FUT9: variants seen among roughly 807,000 people sequenced by gnomAD.
FUT9 encodes the protein 4-galactosyl-N-acetylglucosaminide 3-alpha-L-fucosyltransferase 9.
FUT9 carries 15 observed loss-of-function variants against 29.7 expected under a neutral mutation model. The observed-to-expected ratio is 0.51, with a 90% CI of 0.34 to 0.78. The LOEUF (loss-of-function observed/expected upper bound fraction) is 0.78, where lower values mean the gene tolerates loss of function less well. FUT9 is among the 30% of genes least tolerant of loss of function. The pLI is 0.01. For synonymous variants in FUT9, 169 were observed against 153.7 expected (o/e 1.10, Z -0.74); for missense variants, 319 against 425.4 (o/e 0.75, Z 2.20).
chr6:96,202,941 T>G (rs950883700), intron 2 of FUT9, among the ~76,000 whole-genome samples: 8 of 152,182 alleles, frequency 5.3e-5, no homozygotes, highest in Non-Finnish European at 1.0e-4. Context: ...TTAGAAGAGT[T>G]TTTGGGAAAC....
intron 1 of FUT9, among the ~76,000 whole-genome samples, chr6:96,024,082 A>T (rs1426813603): frequency 6.6e-6 from 1 of 151,934 alleles, no homozygotes; most frequent in Non-Finnish European, 1.5e-5. Flanking sequence ...TCCATTCATG[A>T]GATGATGTTA....
At chr6:96,131,956 T>C (rs547950258) in intron 2 of FUT9, among the ~76,000 whole-genome samples, 1 of 152,200 alleles carries the variant, frequency 6.6e-6, no homozygotes, top group South Asian at 2.1e-4. Flanking sequence ...GAAGAGGATA[T>C]TATAGTCTTC....
intron 2 of FUT9, among the ~76,000 whole-genome samples, chr6:96,116,976 G>T (rs1771924059): frequency 6.6e-6 from 1 of 152,044 alleles, no homozygotes; most frequent in Admixed American, 6.6e-5. Flanking sequence ...AAACAAATAG[G>T]ATGTATTATC....
At chr6:96,107,814 G>A (rs1771720525) in intron 1 of FUT9, among the ~76,000 whole-genome samples, 2 of 152,060 alleles carry the variant, frequency 1.3e-5, no homozygotes, top group African/African-American at 2.4e-5. Flanking sequence ...TTCAACTCAC[G>A]AGGATCTACA....
intron 2 of FUT9, among the ~76,000 whole-genome samples, chr6:96,122,203 G>GAAA (rs1479461643): frequency 6.6e-6 from 1 of 152,120 alleles, no homozygotes; most frequent in African/African-American, 2.4e-5. Context: ...AGCAATCAGA[G>GAAA]AAAAAGGAAC....
chr6:96,020,309 T>C (rs999660080), intron 1 of FUT9, among the ~76,000 whole-genome samples: 1 of 152,154 alleles, frequency 6.6e-6, no homozygotes, highest in Non-Finnish European at 1.5e-5. Flanking sequence ...ATTCCTAAAA[T>C]AACAGATTTT....
chr6:96,173,227 T>C (rs1773144945), intron 2 of FUT9, among the ~76,000 whole-genome samples: 3 of 151,322 alleles, frequency 2.0e-5, no homozygotes, highest in South Asian at 2.1e-4. Flanking sequence ...GCCTGTGTCA[T>C]CTTACTTATG....
At chr6:96,136,282 A>G (rs989802532) in intron 2 of FUT9, among the ~76,000 whole-genome samples, 9 of 151,856 alleles carry the variant, frequency 5.9e-5, no homozygotes, top group African/African-American at 1.7e-4. Flanking sequence ...GAGTAGAATA[A>G]TTTAACCTTT....
intron 1 of FUT9, among the ~76,000 whole-genome samples, chr6:96,058,272 G>C (rs1770810796): frequency 6.6e-6 from 1 of 152,026 alleles, no homozygotes; most frequent in Non-Finnish European, 1.5e-5. Context: ...CAAAGGGTTT[G>C]ATTCCTCACT....
chr6:96,178,090 C>T (rs1374633683), intron 2 of FUT9, among the ~76,000 whole-genome samples: 1 of 152,108 alleles, frequency 6.6e-6, no homozygotes, highest in Non-Finnish European at 1.5e-5. Flanking sequence ...CCCATGATGC[C>T]AGACTTTGCT....
intron 1 of FUT9, among the ~76,000 whole-genome samples, chr6:96,112,750 G>T (rs1287284524): frequency 6.6e-6 from 1 of 152,120 alleles, no homozygotes; most frequent in Non-Finnish European, 1.5e-5. Context: ...AAGCCCCTTG[G>T]GTCTGTCCTA....
intron 1 of FUT9, among the ~76,000 whole-genome samples, chr6:96,098,972 C>T (rs957265158): frequency 6.6e-6 from 1 of 152,064 alleles, no homozygotes; most frequent in Non-Finnish European, 1.5e-5. Flanking sequence ...CCAAAATGTA[C>T]CCTAATTTTC....
intron 2 of FUT9, among the ~76,000 whole-genome samples, chr6:96,139,278 A>G (rs1772416345): frequency 6.6e-6 from 1 of 152,162 alleles, no homozygotes; most frequent in Non-Finnish European, 1.5e-5. Flanking sequence ...CTTTGACTCC[A>G]TGTCTCAAAT....
chr6:96,023,503 C>T (rs534915610), intron 1 of FUT9, among the ~76,000 whole-genome samples: 8 of 151,916 alleles, frequency 5.3e-5, no homozygotes, highest in African/African-American at 1.9e-4. Context: ...AATGTTGGTA[C>T]CCCTGGGAGT....
intron 1 of FUT9, among the ~76,000 whole-genome samples, chr6:96,082,745 C>A (rs1176054906): frequency 2.0e-5 from 3 of 151,834 alleles, no homozygotes. Context: ...GAAATTGCAT[C>A]GTTAATATAT....
chr6:96,101,796 G>C (rs1413409533), intron 1 of FUT9, among the ~76,000 whole-genome samples: 2 of 150,152 alleles, frequency 1.3e-5, no homozygotes, highest in African/African-American at 2.4e-5. Context: ...TGGAATGACA[G>C]GTATGCACCA....
intron 2 of FUT9, among the ~76,000 whole-genome samples, chr6:96,173,487 T>A (rs1773149999): frequency 6.6e-6 from 1 of 152,136 alleles, no homozygotes; most frequent in South Asian, 2.1e-4. Flanking sequence ...TCACACATCG[T>A]CATATGACCT....
chr6:96,180,463 C>A (rs1045717261), intron 2 of FUT9, among the ~76,000 whole-genome samples: 1 of 151,982 alleles, frequency 6.6e-6, no homozygotes. Context: ...AGTGGATGGT[C>A]TTCCTGTTTA....
At chr6:96,128,763 A>T (rs1449362499) in intron 2 of FUT9, among the ~76,000 whole-genome samples, 2 of 152,146 alleles carry the variant, frequency 1.3e-5, no homozygotes, top group Non-Finnish European at 2.9e-5. Context: ...ATAATAATAT[A>T]TTCTTACCAA....
Sources: gnomAD v4.1 joint callset for allele counts (sites outside exome capture counted in the v4.1 genomes callset) on GRCh38, gnomAD v4.1.1 for gene constraint, MANE v1.5 for transcripts, NCBI Gene and HGNC (gene_info 2026-07-23, HGNC 2026-07-21) for gene names.